Variants in GULP1 observed in about 807,000 individuals in gnomAD.
The protein encoded by GULP1 is GULP PTB domain containing engulfment adaptor 1.
Under a neutral mutation model 40.9 loss-of-function variants are expected in GULP1, and 19 were observed. The ratio of observed to expected loss-of-function variants is 0.46; its 90% confidence interval spans 0.32 to 0.68. GULP1 has a LOEUF of 0.68. Among genes scored for constraint, GULP1 ranks in the 30% least tolerant of loss-of-function variants. GULP1 has a pLI of 0.03. For missense variants in GULP1, 312 were observed against 362.2 expected (o/e 0.86, Z 1.12); for synonymous variants, 119 against 117.6 (o/e 1.01, Z -0.08).
At chr2:188,377,597 A>G (rs980356578) in intron 1 of GULP1, among the ~76,000 whole-genome samples, 1 of 152,190 alleles carries the variant, frequency 6.6e-6, no homozygotes, top group Non-Finnish European at 1.5e-5. Context: ...TTATCACTTC[A>G]TTGGCTCAGA....
At chr2:188,530,008 CAG>C (rs1339089182) in intron 6 of GULP1, among the ~76,000 whole-genome samples, 3 of 152,162 alleles carry the variant, frequency 2.0e-5, no homozygotes, top group Non-Finnish European at 4.4e-5. Context: ...AGGCTGAACA[CAG>C]ACTCAAAGGT....
intron 1 of GULP1, among the ~76,000 whole-genome samples, chr2:188,332,191 CTTT>C (rs11431434): frequency 1.6e-5 from 2 of 126,698 alleles, no homozygotes. Context: ...TTTCTTTATT[CTTT>C]TTTTTTTTTT....
intron 11 of GULP1, chr2:188,592,174 G>A (rs1332964815): frequency 1.3e-5 from 2 of 151,862 alleles, no homozygotes; most frequent in African/African-American, 4.8e-5. Context: ...TTGACAAATA[G>A]TATTTTCAGG....
chr2:188,555,037 C>A (rs2153387426), intron 7 of GULP1, among the ~76,000 whole-genome samples: 1 of 151,994 alleles, frequency 6.6e-6, no homozygotes, highest in South Asian at 2.1e-4. Context: ...TGTGCCTATA[C>A]TGGTAAGGTG....
chr2:188,297,509 C>T (rs1291275729), intron 1 of GULP1: 2 of 483,484 alleles, frequency 4.1e-6, no homozygotes, highest in East Asian at 6.1e-5. Context: ...CACCAGTCCT[C>T]CAGGAACATC....
chr2:188,465,772 C>T (rs543820064), intron 2 of GULP1, among the ~76,000 whole-genome samples: 71 of 152,222 alleles, frequency 4.7e-4, no homozygotes, highest in African/African-American at 1.4e-3. Flanking sequence ...CTCTTACTCT[C>T]CCCAGTGCAC....
chr2:188,488,429 A>AT (rs1222142674), intron 4 of GULP1, among the ~76,000 whole-genome samples: 4 of 152,160 alleles, frequency 2.6e-5, no homozygotes, highest in South Asian at 2.1e-4. Flanking sequence ...GAGTTAATAT[A>AT]TTTTTTTAAA....
rs1337833171 is a variant in GULP1 at position 188,450,890 on chromosome 2, C to T, written c.-44-26769C>T. 2.0e-5 allele frequency among the ~76,000 whole-genome samples: 3 copies of T among 152,152 alleles called. No individual in the cohort carries two copies. The East Asian group carries it at 5.8e-4, about 29-fold the overall frequency. On this transcript the variant is annotated intron_variant, in intron 2 of 11. Coordinates refer to ENST00000409830, the MANE Select transcript of GULP1 (RefSeq NM_016315.4). ...TGCAATTCGAGCACCATCTGCTTCA[C>T]AGCTGAGAATCATTAAGCTTCAGCA...
At chr2:188,565,490 T>C (rs1433953970) in intron 7 of GULP1, among the ~76,000 whole-genome samples, 1 of 152,018 alleles carries the variant, frequency 6.6e-6, no homozygotes, top group African/African-American at 2.4e-5. Flanking sequence ...CACATTACTA[T>C]AGCATCACTC....
rs1179352194 is a variant in GULP1 at position 188,352,616 on chromosome 2, T to TCACACACACACACACACACA, written c.-171-31146_-171-31145insACACACACACACACACACAC. Among the ~76,000 whole-genome samples, 285 of 76,008 alleles carry TCACACACACACACACACACA rather than the reference T, an allele frequency of 3.7e-3. 1 individual carries two copies. Among genetic ancestry groups the TCACACACACACACACACACA allele is most frequent in the East Asian group, 0.019 (23 of 1,236 alleles). 49.9% of individuals were successfully genotyped at this position (76,008 alleles called of 152,430 possible). A position where few individuals can be genotyped will look rare whatever the true frequency, so the allele number is the denominator to read the frequency against. ...CTTGCTCTCTTTCTCTCTCTCTCTC[T>TCACACACACACACACACACA]CTCACACACACACACACACACACAC... On this transcript the variant is annotated intron_variant, in intron 1 of 11. Transcript: ENST00000409830.
intron 7 of GULP1, among the ~76,000 whole-genome samples, chr2:188,562,878 ATATT>A (rs1292034327): frequency 6.6e-6 from 1 of 152,214 alleles, no homozygotes; most frequent in African/African-American, 2.4e-5. Context: ...TTTGGCCCAC[ATATT>A]TAGAGTTAAA....
intron 1 of GULP1, among the ~76,000 whole-genome samples, chr2:188,305,308 T>C (rs980950051): frequency 4.6e-5 from 7 of 152,218 alleles, no homozygotes; most frequent in Admixed American, 2.6e-4. Flanking sequence ...TCCAGAAGGA[T>C]GCTCTCTGAA....
chr2:188,346,414 A>G lies in GULP1; in HGVS notation c.-171-37349A>G, dbSNP rs114706004. On this transcript the variant is annotated intron_variant, in intron 1 of 11. Coordinates refer to ENST00000409830, the MANE Select transcript of GULP1 (RefSeq NM_016315.4). ...TGTAAACAAATTTTTAATGAAGGCT[A>G]ATAACAGAGTCTTTAAGAAAACAAA... Among the ~76,000 whole-genome samples the G allele has an allele frequency of 4.3e-3, 659 of 152,318 alleles. 5 individuals carry two copies. The highest frequency in any genetic ancestry group is 0.015 in the African/African-American group (624 of 41,574).
intron 2 of GULP1, among the ~76,000 whole-genome samples, chr2:188,472,051 T>A (rs1256257152): frequency 2.0e-5 from 3 of 152,232 alleles, no homozygotes; most frequent in African/African-American, 7.2e-5. Flanking sequence ...TATTCTAGGA[T>A]AAAAGATTTT....
intron 2 of GULP1, among the ~76,000 whole-genome samples, chr2:188,386,620 A>G (rs992862629): frequency 1.3e-5 from 2 of 152,268 alleles, no homozygotes. Flanking sequence ...TGATATGTAC[A>G]TCACTTGGTT....
chr2:188,529,119 C>G lies in GULP1; in HGVS notation c.185C>G (p.Ser62Cys), dbSNP rs1297981618. The part of the protein sequence containing the change: ...KLKFARHIKK[S>C]EGQKIPKVEL... Reference sequence around the variant, plus strand: ...TAGTTTGCAAGACATATCAAGAAATCTGAAGGCCAGAAAATTCCTAAAGTG... The same window carrying G: ...TAGTTTGCAAGACATATCAAGAAATGTGAAGGCCAGAAAATTCCTAAAGTG... Residue 62 changes from serine (S) to cysteine (C), a missense_variant, in exon 6 of 12, where the codon TCT (serine) becomes TGT (cysteine). Physicochemically the swap from Ser to Cys is moderately radical, Grantham distance 112. Coordinates refer to ENST00000409830, the MANE Select transcript of GULP1 (RefSeq NM_016315.4). 4 of 1,556,680 alleles carry G rather than the reference C, an allele frequency of 2.6e-6. No individual in the cohort carries two copies. The highest frequency in any genetic ancestry group is 1.7e-4 in the Middle Eastern group (1 of 5,946).
chr2:188,341,345 C>T (rs940610624), intron 1 of GULP1, among the ~76,000 whole-genome samples: 3 of 152,124 alleles, frequency 2.0e-5, no homozygotes, highest in African/African-American at 4.8e-5. Flanking sequence ...AACTCACTGT[C>T]ACAGCACAGT....
rs975619298 is a variant in GULP1 at position 188,362,295 on chromosome 2, T to G, written c.-171-21468T>G. 2.0e-5 allele frequency among the ~76,000 whole-genome samples: 3 copies of G among 152,266 alleles called. No homozygotes were observed. The East Asian group carries it at 5.8e-4, about 29-fold the overall frequency. ...GTATTAAAAATATGAGGAATACCAT[T>G]ATAACATTGTTTAAATATGTTTAGT... On this transcript the variant is annotated intron_variant, in intron 1 of 11. Transcript: ENST00000409830.
intron 1 of GULP1, among the ~76,000 whole-genome samples, chr2:188,313,806 G>A (rs2038607499): frequency 6.6e-6 from 1 of 151,550 alleles, no homozygotes; most frequent in Non-Finnish European, 1.5e-5. Flanking sequence ...TTATTTTATT[G>A]AGAATTGGTA....
Sources: allele counts gnomAD v4.1 joint callset (sites outside exome capture counted in the v4.1 genomes callset), GRCh38; gene constraint gnomAD v4.1.1; transcripts MANE v1.5; gene names NCBI Gene and HGNC (gene_info 2026-07-23, HGNC 2026-07-21).